ABCC6: variants seen among roughly 807,000 people sequenced by gnomAD.
ABCC6 encodes the protein ATP-binding cassette sub-family C member 6.
A neutral mutation model predicts 169.5 loss-of-function variants in ABCC6; 126 were observed. That is an observed-to-expected ratio of 0.74 (90% CI 0.64 to 0.86). The LOEUF is 0.86. Ranked by LOEUF, ABCC6 falls within the 40% of genes least tolerant of loss-of-function variation. The probability of loss-of-function intolerance (pLI) is 0.00; values close to 1 mark genes in which losing one functional copy is unlikely to be tolerated. For missense variants in ABCC6, 1,733 were observed against 1,927.2 expected, an observed-to-expected ratio of 0.90 and a Z score of 1.89; for synonymous variants, 752 against 814.7, an observed-to-expected ratio of 0.92 and a Z score of 1.31.
Position 16,150,567 on chromosome 16 carries a change from G to T in ABCC6, c.4403+11C>A. On this transcript the variant is annotated intron_variant, in intron 30 of 30. Transcript: ENST00000205557. ...GGCTGCTGTGAGGTCAGGCCGGGGC[G>T]GGAGCCTTACCGGGCACAGTCCATC... The T allele has an allele frequency of 6.2e-7, 1 of 1,605,414 alleles. No homozygotes were observed.
intron 14 of ABCC6, 86 bp from the exon 15 acceptor site, chr16:16,185,120 C>T (rs550329651): frequency 2.1e-5 from 24 of 1,119,776 alleles, no homozygotes; most frequent in South Asian, 7.4e-5. Flanking sequence ...CATCCCCCGC[C>T]CCCCCCAGGG....
chr16:16,181,516 G>A (rs140712037), intron 17 of ABCC6, among the ~76,000 whole-genome samples: 66 of 152,278 alleles, frequency 4.3e-4, no homozygotes, highest in Non-Finnish European at 8.5e-4. Flanking sequence ...TTCCAGCAGA[G>A]GGAACAGCAG....
chr16:16,160,810 GCAA>G (rs961457924), intron 25 of ABCC6, among the ~76,000 whole-genome samples: 1 of 151,790 alleles, frequency 6.6e-6, no homozygotes, highest in Non-Finnish European at 1.5e-5. Flanking sequence ...GTCTCAAACA[GCAA>G]CAACAACAAA....
At chr16:16,175,262 T>C (rs996451279) in intron 20 of ABCC6, among the ~76,000 whole-genome samples, 1 of 152,152 alleles carries the variant, frequency 6.6e-6, no homozygotes, top group Non-Finnish European at 1.5e-5. Flanking sequence ...CCCCTCAAGA[T>C]CGCTGCCGCC....
At chr16:16,157,379 A>T (rs1368326385) in intron 27 of ABCC6, among the ~76,000 whole-genome samples, 1 of 152,178 alleles carries the variant, frequency 6.6e-6, no homozygotes, top group African/African-American at 2.4e-5. Context: ...GGAGCATTTA[A>T]CACACTGCCC....
rs1189177775 is a variant in ABCC6, at chr16:16,175,989, G to A, written c.2591-3C>T. On this transcript the variant is annotated splice_region_variant and splice_polypyrimidine_tract_variant and intron_variant, in intron 19 of 30. Transcript: ENST00000205557. Reference sequence around the variant, plus strand: ...GGTGCTGGTCCCAGGTTCTGTTTCTGCAAGGTCAAGAGAGTCCTGTCACGC... The same window carrying A: ...GGTGCTGGTCCCAGGTTCTGTTTCTACAAGGTCAAGAGAGTCCTGTCACGC... 1 of 1,614,056 alleles carries A rather than the reference G, an allele frequency of 6.2e-7. No individual in the cohort carries two copies. The highest frequency in any genetic ancestry group is 8.5e-7 in the Non-Finnish European group (1 of 1,180,008).
intron 17 of ABCC6, 117 bp downstream of exon 17, chr16:16,182,295 G>A (rs375766111): frequency 2.1e-5 from 29 of 1,368,380 alleles, no homozygotes; most frequent in African/African-American, 1.6e-4. Context: ...CTTTTTCTCC[G>A]CTACTTCCCT....
intron 29 of ABCC6, among the ~76,000 whole-genome samples, chr16:16,153,143 G>C (rs1394111990): frequency 6.6e-6 from 1 of 152,118 alleles, no homozygotes; most frequent in African/African-American, 2.4e-5. Flanking sequence ...GACCTCAGGT[G>C]ATCCACCCGC....
At chr16:16,177,811 C>T (rs976389328) in intron 18 of ABCC6, among the ~76,000 whole-genome samples, 185 bp from the exon 19 acceptor site, 9 of 151,930 alleles carry the variant, frequency 5.9e-5, no homozygotes, top group African/African-American at 7.2e-5. Context: ...GGTGAGGTGG[C>T]GCACACCTGT....
intron 10 of ABCC6, among the ~76,000 whole-genome samples, chr16:16,194,252 T>C (rs1326418366): frequency 1.3e-5 from 2 of 152,262 alleles, no homozygotes; most frequent in Non-Finnish European, 2.9e-5. Context: ...ATTATTTTCC[T>C]AATCTTCATT....
rs759516647 is a variant in ABCC6, at chr16:16,169,725, C to T, written c.2916G>A (p.Ala972=). The change falls in exon 22 of 31, where the codon GCG becomes GCA. Residue 972 remains alanine, a synonymous_variant. Transcript: ENST00000205557. ...GCTGCCCACCTACTGCAGGGTCGTC[C>T]GCCCACAGGCTCAGCCAGTAGCCCC... The part of the protein sequence containing the change: ...FCRGYWLSLW[A]DDPAVGGQQT... 126 of 1,609,736 alleles carry T rather than the reference C, an allele frequency of 7.8e-5. No homozygotes were observed. The highest frequency in any genetic ancestry group is 1.9e-4 in the African/African-American group (14 of 74,860).
chr16:16,191,574 T>C (rs2047854717), intron 11 of ABCC6, among the ~76,000 whole-genome samples: 1 of 149,854 alleles, frequency 6.7e-6, no homozygotes, highest in African/African-American at 2.4e-5. Context: ...CCCTCTCTCT[T>C]TCCCGCCTTT....
At chr16:16,167,473 G>C (rs2046913447) in intron 22 of ABCC6, among the ~76,000 whole-genome samples, 1 of 152,158 alleles carries the variant, frequency 6.6e-6, no homozygotes, top group East Asian at 1.9e-4. Context: ...AATTGGAGCT[G>C]AATTTGTTTA....
chr16:16,177,545 C>T lies in ABCC6; in HGVS notation c.2497G>A (p.Glu833Lys), dbSNP rs1311895753. 3.1e-6 allele frequency: 5 copies of T among 1,614,098 alleles called. No homozygotes were observed. The highest frequency in any genetic ancestry group is 4.2e-6 in the Non-Finnish European group (5 of 1,180,036). ...IIVLANGAIAEMGSYQELLQR... is the reference protein window; with the variant it reads ...IIVLANGAIAKMGSYQELLQR... ...AGAAGCTCCTGGTAGGAACCCATCTCTGCGATGGCCCCATTTGCCAGCACT... is the reference window on the plus strand; with the variant it reads ...AGAAGCTCCTGGTAGGAACCCATCTTTGCGATGGCCCCATTTGCCAGCACT... The change falls in exon 19 of 31, where the codon GAG becomes AAG. Residue 833 changes from glutamate to lysine, a missense_variant. This residue lies in a region of ABCC6 where 1,601 missense variants were observed against 1,635.5 expected (regional missense o/e 0.98). Coordinates refer to ENST00000205557, the MANE Select transcript of ABCC6 (RefSeq NM_001171.6).
chr16:16,171,398 T>A (rs2047061083), intron 21 of ABCC6, among the ~76,000 whole-genome samples: 1 of 152,222 alleles, frequency 6.6e-6, no homozygotes. Flanking sequence ...TTATTTTCTT[T>A]ATAGCACTTA....
intron 25 of ABCC6, among the ~76,000 whole-genome samples, chr16:16,160,907 T>C (rs1408423151): frequency 6.6e-6 from 1 of 152,100 alleles, no homozygotes; most frequent in African/African-American, 2.4e-5. Context: ...TATATTTTTT[T>C]CATAGATGTC....
Position 16,203,485 on chromosome 16 carries a change from T to C in ABCC6, c.923A>G (p.His308Arg), listed in dbSNP as rs1223024378. 2 of 1,613,874 alleles carry C rather than the reference T, an allele frequency of 1.2e-6. No individual in the cohort carries two copies. The highest frequency in any genetic ancestry group is 2.2e-5 in the East Asian group (1 of 44,892). ...GAGGGTCCCCAGGAGGAAGGTAGAA[T>C]GGAACACCTGCCAGATGGCCTTCAG... ...PLLKAIWQVF[H>R]STFLLGTLSL... is the part of the protein sequence containing the mutation. Residue 308 changes from histidine (H) to arginine (R), a missense_variant, in exon 8 of 31, where the codon CAT becomes CGT. His to Arg is a conservative substitution (Grantham distance 29, BLOSUM62 0). Transcript: ENST00000205557.
At chr16:16,174,767 C>CCCCCCT in intron 20 of ABCC6, among the ~76,000 whole-genome samples, 1 of 133,320 alleles carries the variant, frequency 7.5e-6, no homozygotes, top group African/African-American at 2.6e-5. Flanking sequence ...AAAACCCCCC[C>CCCCCCT]CCGCAAAAAA....
chr16:16,177,359 A>AGCACTC, intron 19 of ABCC6, 93 bp downstream of exon 19: 1 of 1,443,160 alleles, frequency 6.9e-7, no homozygotes, highest in Non-Finnish European at 9.7e-7. Context: ...GTGTGGCCAG[A>AGCACTC]GCACTCCATT....
Sources: allele counts gnomAD v4.1 joint callset (sites outside exome capture counted in the v4.1 genomes callset), GRCh38; gene constraint gnomAD v4.1.1; regional missense constraint gnomAD v4.1.1; transcripts MANE v1.5; gene names NCBI Gene and HGNC (gene_info 2026-07-23, HGNC 2026-07-21).